RYR3: variants seen among roughly 807,000 people sequenced by gnomAD.
RYR3 encodes ryanodine receptor 3, also known as brain ryanodine receptor-calcium release channel.
Under a neutral mutation model 584.3 loss-of-function variants are expected in RYR3, and 207 were observed. That is an observed-to-expected ratio of 0.35 (90% CI 0.32 to 0.40). The LOEUF is 0.40. RYR3 is among the 10% of genes least tolerant of loss of function. The probability of loss-of-function intolerance (pLI) is 1.00; values close to 1 mark genes in which losing one functional copy is unlikely to be tolerated. For synonymous variants in RYR3, 2,416 were observed against 2,248.5 expected (o/e 1.07, Z -2.11); for missense variants, 5,616 against 6,089.2 (o/e 0.92, Z 2.59).
At chr15:33,429,216 A>G (rs1279077699) in intron 1 of RYR3, among the ~76,000 whole-genome samples, 1 of 152,154 alleles carries the variant, frequency 6.6e-6, no homozygotes, top group Non-Finnish European at 1.5e-5. Context: ...CAGGGTCCCC[A>G]GAGGACTTAG....
chr15:33,660,537 A>G (rs895307269), intron 34 of RYR3, 114 bp downstream of exon 34: 5 of 660,388 alleles, frequency 7.6e-6, no homozygotes, highest in Non-Finnish European at 1.3e-5. Flanking sequence ...CAGTCCCAGT[A>G]TGACTTGATT....
At chr15:33,344,814 A>T (rs1972249557) in intron 1 of RYR3, among the ~76,000 whole-genome samples, 1 of 152,244 alleles carries the variant, frequency 6.6e-6, no homozygotes, top group Non-Finnish European at 1.5e-5. Context: ...TAACATAAAA[A>T]TTAAGAGGCC....
intron 1 of RYR3, among the ~76,000 whole-genome samples, chr15:33,359,166 C>T (rs1300807516): frequency 6.6e-6 from 1 of 152,164 alleles, no homozygotes; most frequent in Admixed American, 6.5e-5. Flanking sequence ...CCCACTTCCA[C>T]CTCTTCTCTT....
intron 57 of RYR3, among the ~76,000 whole-genome samples, chr15:33,750,695 AC>A (rs1466334856): frequency 1.3e-5 from 2 of 152,192 alleles, no homozygotes; most frequent in African/African-American, 4.8e-5. Flanking sequence ...AATTTGCAGC[AC>A]ATGATAACAG....
At position 33,566,718 on chromosome 15, in the gene RYR3, C is replaced by T. The variant is rs934027108; in HGVS notation, c.1187C>T (p.Thr396Ile). 1.2e-6 allele frequency: 2 copies of T among 1,613,750 alleles called. No individual in the cohort carries two copies. Among genetic ancestry groups the T allele is most frequent in the East Asian group, 2.2e-5 (1 of 44,872 alleles). Residue 396 changes from threonine (T) to isoleucine (I), a missense_variant, in exon 12 of 104, where the codon ACA becomes ATA. By Grantham distance (89) the Thr-to-Ile change is moderately conservative. Around this residue, in one of 9 missense-constraint regions of RYR3, gnomAD observed 1,284 missense variants for 1,344.6 expected, o/e 0.95. Coordinates refer to ENST00000634891, the MANE Select transcript of RYR3 (RefSeq NM_001036.6). The stretch of plus-strand genomic sequence containing the variant: ...GAAGGCCACATGGATGATGGATTAA[C>T]ACTGCAGAGATGCCAGCGTGAGGAG... ...HQEGHMDDGLTLQRCQREESQ... is the reference protein window; with the variant it reads ...HQEGHMDDGLILQRCQREESQ...
intron 16 of RYR3, among the ~76,000 whole-genome samples, chr15:33,599,826 C>A (rs1224414071): frequency 6.6e-6 from 1 of 152,178 alleles, no homozygotes; most frequent in South Asian, 2.1e-4. Flanking sequence ...AACTCTGATT[C>A]TTTAAGTAGC....
chr15:33,689,286 G>C (rs2065250273), intron 38 of RYR3, among the ~76,000 whole-genome samples: 1 of 150,946 alleles, frequency 6.6e-6, no homozygotes, highest in Admixed American at 6.6e-5. Context: ...CGAGTTGATG[G>C]GTGCAGCACA....
At chr15:33,743,261 A>G (rs72715108) in intron 52 of RYR3, among the ~76,000 whole-genome samples, 20,674 of 152,070 alleles carry the variant, frequency 0.14, 1,516 homozygotes, top group South Asian at 0.25. Flanking sequence ...GTCTACTGGG[A>G]GCTGATGATA....
chr15:33,584,180 A>G (rs570740365), intron 14 of RYR3, among the ~76,000 whole-genome samples: 12 of 152,168 alleles, frequency 7.9e-5, no homozygotes, highest in African/African-American at 2.4e-4. Flanking sequence ...TGAGGCTGCA[A>G]TGAGCCACTA....
intron 1 of RYR3, among the ~76,000 whole-genome samples, chr15:33,442,986 C>T (rs1449022951): frequency 2.0e-5 from 3 of 152,170 alleles, no homozygotes; most frequent in Non-Finnish European, 4.4e-5. Context: ...AGGCCAGGTG[C>T]AGTGGCTCAC....
chr15:33,618,991 C>G (rs2060586477), intron 19 of RYR3, among the ~76,000 whole-genome samples: 1 of 152,104 alleles, frequency 6.6e-6, no homozygotes, highest in Admixed American at 6.6e-5. Context: ...ATAATTTGTC[C>G]TGTGTTTTCA....
chr15:33,808,066 C>G (rs2076296963), intron 70 of RYR3, among the ~76,000 whole-genome samples: 1 of 152,208 alleles, frequency 6.6e-6, no homozygotes, highest in Admixed American at 6.5e-5. Flanking sequence ...CAGGTTATAA[C>G]TGAACATTTT....
At chr15:33,642,554 C>T (rs2061889843) in intron 27 of RYR3, among the ~76,000 whole-genome samples, 2 of 152,236 alleles carry the variant, frequency 1.3e-5, no homozygotes, top group African/African-American at 4.8e-5. Context: ...CTTCTTCCTT[C>T]ACATCTTGTC....
intron 18 of RYR3, among the ~76,000 whole-genome samples, chr15:33,612,623 G>C (rs1203839615): frequency 6.6e-6 from 1 of 152,198 alleles, no homozygotes; most frequent in African/African-American, 2.4e-5. Flanking sequence ...GCCTCCGGAA[G>C]TGCTGGGATT....
intron 82 of RYR3, chr15:33,825,931 A>G (rs915341685): frequency 1.4e-5 from 7 of 494,470 alleles, no homozygotes; most frequent in Non-Finnish European, 2.2e-5. Flanking sequence ...GCAGCATTTC[A>G]TCATGTTGGC....
intron 1 of RYR3, among the ~76,000 whole-genome samples, chr15:33,396,874 C>G (rs7350776): frequency 0.23 from 34,450 of 152,168 alleles, 4,793 homozygotes; most frequent in Non-Finnish European, 0.31. Context: ...CTTCAACCCC[C>G]CTTTATAGAC....
intron 10 of RYR3, among the ~76,000 whole-genome samples, chr15:33,558,174 G>T (rs1429408953): frequency 6.6e-6 from 1 of 152,006 alleles, no homozygotes; most frequent in East Asian, 1.9e-4. Flanking sequence ...GTATACACTT[G>T]CTATGTTGGT....
chr15:33,663,013 A>C, intron 35 of RYR3, 65 bp downstream of exon 35: 1 of 1,425,868 alleles, frequency 7.0e-7, no homozygotes, highest in Non-Finnish European at 9.7e-7. Context: ...AAATATCAGG[A>C]ACACACTGAG....
At chr15:33,805,603 A>ATGTG (rs1567207780) in intron 69 of RYR3, among the ~76,000 whole-genome samples, 1 of 151,090 alleles carries the variant, frequency 6.6e-6, no homozygotes, top group Admixed American at 6.6e-5. Flanking sequence ...TCAGCCTCCC[A>ATGTG]AGTAGCTGGG....
Sources: gnomAD v4.1 joint callset for allele counts (sites outside exome capture counted in the v4.1 genomes callset) on GRCh38, gnomAD v4.1.1 for gene constraint, gnomAD v4.1.1 regional missense constraint, MANE v1.5 for transcripts, NCBI Gene and HGNC (gene_info 2026-07-23, HGNC 2026-07-21) for gene names.